The following MTAP variants were observed in gnomAD, a reference collection of about 807,000 sequenced individuals.
MTAP encodes the protein S-methyl-5'-thioadenosine phosphorylase.
Under a neutral mutation model 33.6 loss-of-function variants are expected in MTAP, and 33 were observed. The ratio of observed to expected loss-of-function variants is 0.98; its 90% CI spans 0.74 to 1.31. The LOEUF (loss-of-function observed/expected upper bound fraction) is 1.31. Among genes scored for constraint, MTAP ranks in the 40% most tolerant of loss-of-function variants. The probability of loss-of-function intolerance (pLI) is 0.00; values close to 1 mark genes in which losing one functional copy is unlikely to be tolerated. For synonymous variants in MTAP, 148 were observed against 125.7 expected (o/e 1.18, Z -1.19); for missense variants, 367 against 360.0 (o/e 1.02, Z -0.16).
chr9:21,875,954 C>T (rs748297215), intron 1 of MTAP, among the ~76,000 whole-genome samples: 108 of 152,172 alleles, frequency 7.1e-4, no homozygotes, highest in Middle Eastern at 3.4e-3. Flanking sequence ...ATCCCCACAC[C>T]GCTTCCCACA....
intron 3 of MTAP, 64 bp from the exon 4 acceptor site, chr9:21,817,969 ACT>A (rs1009994418): frequency 2.4e-5 from 34 of 1,442,556 alleles, no homozygotes; most frequent in Non-Finnish European, 2.8e-5. Context: ...TTTTTTCTAG[ACT>A]CTAGGAGAAA....
chr9:21,821,240 A>G (rs886734822), intron 4 of MTAP, among the ~76,000 whole-genome samples: 1 of 152,208 alleles, frequency 6.6e-6, no homozygotes, highest in African/African-American at 2.4e-5. Flanking sequence ...TTGCCCATTC[A>G]GTATGATATT....
At chr9:21,815,287 A>T in intron 1 of MTAP, 146 bp from the exon 2 acceptor site, 1 of 557,338 alleles carries the variant, frequency 1.8e-6, no homozygotes, top group East Asian at 3.2e-5. Flanking sequence ...TTGTTGATTG[A>T]TGTTCAGTAA....
intron 4 of MTAP, among the ~76,000 whole-genome samples, chr9:21,822,034 G>A (rs1195836644): frequency 4.6e-5 from 7 of 151,770 alleles, no homozygotes; most frequent in African/African-American, 1.7e-4. Flanking sequence ...TTCTTTATTA[G>A]TCTTGCTAGT....
At position 21,862,224 on chromosome 9, in the gene MTAP, C is replaced by G. The variant is rs915374568; in HGVS notation, c.*210C>G. On this transcript the variant is annotated 3_prime_UTR_variant, in exon 8 of 8. Coordinates refer to ENST00000644715, the MANE Select transcript of MTAP (RefSeq NM_002451.4). ...CAAAATACAGAAGAAAAGCAAATGACTAGTAAACATGTGGGAAAAAATATT... is the reference window on the plus strand; with the variant it reads ...CAAAATACAGAAGAAAAGCAAATGAGTAGTAAACATGTGGGAAAAAATATT... 21 of 1,232,878 alleles carry G rather than the reference C, an allele frequency of 1.7e-5. No homozygotes were observed. The African/African-American group carries it at 2.8e-4, about 16-fold the overall frequency. 76.4% of individuals were successfully genotyped at this position (1,232,878 alleles called of 1,614,324 possible).
At chr9:21,897,873 A>G (rs1818323470) in intron 1 of MTAP, among the ~76,000 whole-genome samples, 1 of 152,160 alleles carries the variant, frequency 6.6e-6, no homozygotes, top group Non-Finnish European at 1.5e-5. Flanking sequence ...CAGAATTGGA[A>G]AAAACTACTT....
chr9:21,913,826 A>T (rs1324124972), intron 1 of MTAP, among the ~76,000 whole-genome samples: 1 of 152,032 alleles, frequency 6.6e-6, no homozygotes, highest in Non-Finnish European at 1.5e-5. Flanking sequence ...GAAACTACCA[A>T]CCTACAGTGA....
chr9:21,885,670 T>C (rs1299909767), intron 1 of MTAP, among the ~76,000 whole-genome samples: 1 of 152,150 alleles, frequency 6.6e-6, no homozygotes, highest in African/African-American at 2.4e-5. Flanking sequence ...ATATGATGTT[T>C]GGTTTTCTGT....
rs147594760 is a variant in MTAP at position 21,864,644 on chromosome 9, G to A, written c.*2630G>A. The A allele has an allele frequency of 1.1e-5, 11 of 985,508 alleles. No individual in the cohort carries two copies. In the African/African-American group the frequency reaches 1.2e-4, roughly 11 times the overall value. The allele number at this position is 985,508 out of a possible 1,614,324, so 61.0% of individuals were successfully genotyped here. A position where few individuals can be genotyped will look rare whatever the true frequency, so the allele number is the denominator to read the frequency against. On this transcript the variant is annotated 3_prime_UTR_variant, in exon 8 of 8. Transcript: ENST00000644715. The stretch of plus-strand genomic sequence containing the variant: ...TGTTCACTGCCCCCTTCGCTAGCAC[G>A]AGTTGCTGTGCAGGGCTGGAGGTAG...
At chr9:21,927,436 T>G (rs779790591) in intron 1 of MTAP, among the ~76,000 whole-genome samples, 1 of 152,188 alleles carries the variant, frequency 6.6e-6, no homozygotes, top group Non-Finnish European at 1.5e-5. Context: ...CCAAGTCTTG[T>G]TGTCAGAAAA....
chr9:21,802,639 C>A lies in MTAP; in HGVS notation c.-110C>A. The A allele has an allele frequency of 7.9e-7, 1 of 1,270,684 alleles. No homozygotes were observed. The highest frequency in any genetic ancestry group is 1.1e-6 in the Non-Finnish European group (1 of 891,876). 78.7% of individuals were successfully genotyped at this position (1,270,684 alleles called of 1,614,324 possible). On this transcript the variant is annotated 5_prime_UTR_variant, in exon 1 of 8. Transcript: ENST00000644715. ...GGAGTCAAGGCCCGCCCCTGGTCTC[C>A]GCACTGCTCACTCCCGCGCAGTGAG...
intron 5 of MTAP, among the ~76,000 whole-genome samples, chr9:21,843,006 C>T (rs1333564244): frequency 6.6e-6 from 1 of 152,152 alleles, no homozygotes; most frequent in Non-Finnish European, 1.5e-5. Context: ...TAAGTATCTG[C>T]AGTCTTCAGG....
intron 4 of MTAP, among the ~76,000 whole-genome samples, chr9:21,828,096 G>T (rs754164715): frequency 4.6e-5 from 7 of 152,200 alleles, no homozygotes; most frequent in African/African-American, 1.2e-4. Context: ...AGAAGATGGA[G>T]ACTAGAAAGA....
At position 21,862,043 on chromosome 9, in the gene MTAP, G is replaced by A; in HGVS notation, c.*29G>A. On this transcript the variant is annotated 3_prime_UTR_variant, in exon 8 of 8. Transcript: ENST00000644715. ...AGCATGGCTGCCCAGGAGAAAAGAA[G>A]ACATTCTAATTCCAGTCATTTTGGG... 2 of 1,611,202 alleles carry A rather than the reference G, an allele frequency of 1.2e-6. No individual in the cohort carries two copies. The highest frequency in any genetic ancestry group is 1.7e-6 in the Non-Finnish European group (2 of 1,178,976).
chr9:21,912,182 C>G (rs944018356), intron 1 of MTAP, among the ~76,000 whole-genome samples: 8 of 152,210 alleles, frequency 5.3e-5, no homozygotes, highest in Admixed American at 4.6e-4. Context: ...GACAGATTCA[C>G]AGCCGAATTC....
intron 1 of MTAP, among the ~76,000 whole-genome samples, chr9:21,804,973 T>A (rs764916871): frequency 1.3e-5 from 2 of 152,198 alleles, no homozygotes; most frequent in Non-Finnish European, 2.9e-5. Flanking sequence ...AGAATGTCCA[T>A]CTTGAAGAGG....
chr9:21,812,702 C>A (rs1375778479), intron 1 of MTAP, among the ~76,000 whole-genome samples: 10 of 152,208 alleles, frequency 6.6e-5, no homozygotes, highest in Admixed American at 6.5e-4. Context: ...TGTGCTTGTT[C>A]TGTGACCTTC....
At chr9:21,853,697 T>G (rs1056238042) in intron 5 of MTAP, among the ~76,000 whole-genome samples, 1 of 152,188 alleles carries the variant, frequency 6.6e-6, no homozygotes, top group African/African-American at 2.4e-5. Flanking sequence ...GTGCATACAG[T>G]GTTTACAGCG....
At chr9:21,819,859 T>A (rs1173867835) in intron 4 of MTAP, among the ~76,000 whole-genome samples, 2 of 152,236 alleles carry the variant, frequency 1.3e-5, no homozygotes, top group East Asian at 1.9e-4. Flanking sequence ...GGTATCTCAT[T>A]GTGGTTTTGA....
Sources: gnomAD v4.1 joint callset for allele counts (sites outside exome capture counted in the v4.1 genomes callset) on GRCh38, gnomAD v4.1.1 for gene constraint, MANE v1.5 for transcripts, NCBI Gene and HGNC (gene_info 2026-07-23, HGNC 2026-07-21) for gene names.